The following DAB1 variants were observed in gnomAD, a reference collection of about 807,000 sequenced individuals.
DAB1 encodes the protein disabled homolog 1.
A neutral mutation model predicts 64.6 loss-of-function variants in DAB1; 15 were observed. The observed-to-expected ratio is 0.23, with a 90% CI of 0.16 to 0.36. The LOEUF is 0.36. Among genes scored for constraint, DAB1 ranks in the 10% least tolerant of loss-of-function variants. The pLI is 1.00. For synonymous variants in DAB1, 235 were observed against 251.9 expected, an observed-to-expected ratio of 0.93 and a Z score of 0.64; for missense variants, 596 against 706.7, an observed-to-expected ratio of 0.84 and a Z score of 1.78.
intron 1 of DAB1, among the ~76,000 whole-genome samples, chr1:57,307,599 G>A (rs1357115666): frequency 2.6e-5 from 4 of 151,578 alleles, no homozygotes; most frequent in Non-Finnish European, 5.9e-5. Context: ...TCCCTTTCCT[G>A]TCTGTTGAAT....
chr1:57,932,062 T>TA (rs1644960749), intron 5 of DAB1, among the ~76,000 whole-genome samples: 2 of 152,194 alleles, frequency 1.3e-5, no homozygotes, highest in Admixed American at 6.5e-5. Flanking sequence ...TTTATTTAGT[T>TA]AAAAATATTT....
intron 6 of DAB1, among the ~76,000 whole-genome samples, chr1:57,704,887 T>G (rs1337240168): frequency 6.6e-6 from 1 of 151,120 alleles, no homozygotes; most frequent in African/African-American, 2.4e-5. Context: ...TTTTCCTTCC[T>G]TCCTTCCTTC....
At position 58,370,390 on chromosome 1, in the gene DAB1, T is replaced by C. The variant is rs986159046; in HGVS notation, n.258-26987A>G. ...GAGTGTGTGCGTGTGTGTGTGTGTG[T>C]GTGTGTGTGTGTGTGTGTGTGTGTG... On this transcript the variant is annotated intron_variant and non_coding_transcript_variant, in intron 3 of 20. Coordinates refer to the DAB1 transcript ENST00000485760. 5.8e-3 allele frequency among the ~76,000 whole-genome samples: 828 copies of C among 142,500 alleles called. 7 individuals carry two copies. Among genetic ancestry groups the C allele is most frequent in the African/African-American group, 0.02 (799 of 40,402 alleles). 93.5% of individuals were successfully genotyped at this position (142,500 alleles called of 152,430 possible).
At chr1:57,085,657 T>TGATC (rs1314569238) in intron 4 of DAB1, among the ~76,000 whole-genome samples, 1 of 152,238 alleles carries the variant, frequency 6.6e-6, no homozygotes, top group African/African-American at 2.4e-5. Flanking sequence ...CACAGTCTAA[T>TGATC]GATCCCTTCA....
At position 58,003,183 on chromosome 1, in the gene DAB1, T is replaced by G. The variant is rs12041876; in HGVS notation, n.388-119021A>C. On this transcript the variant is annotated intron_variant and non_coding_transcript_variant, in intron 5 of 20. Transcript: ENST00000485760. ...TGTAAGGATTTGATGAAATCACACG[T>G]GACAATGGATGGCCCAGTCACCAGG... Among the ~76,000 whole-genome samples the G allele has an allele frequency of 8.2e-3, 1,250 of 152,284 alleles. 22 individuals carry two copies. In the East Asian group the frequency reaches 0.083, roughly 10 times the overall value.
At position 58,173,205 on chromosome 1, in the gene DAB1, G is replaced by T. The variant is rs548214832; in HGVS notation, n.310-22617C>A. On this transcript the variant is annotated intron_variant and non_coding_transcript_variant, in intron 4 of 20. Transcript: ENST00000485760. ...AAACAGAATGGGGATTTTCACAGGGGTATAGTTTTCTCCCCTTGGGGTGGT... is the reference window on the plus strand; with the variant it reads ...AAACAGAATGGGGATTTTCACAGGGTTATAGTTTTCTCCCCTTGGGGTGGT... 3.3e-4 allele frequency among the ~76,000 whole-genome samples: 50 copies of T among 152,334 alleles called. 1 individual carries two copies. Among genetic ancestry groups the T allele is most frequent in the Admixed American group, 3.1e-3 (47 of 15,306 alleles).
chr1:58,330,441 T>G (rs1281016320), intron 4 of DAB1, among the ~76,000 whole-genome samples: 1 of 152,218 alleles, frequency 6.6e-6, no homozygotes, highest in African/African-American at 2.4e-5. Context: ...CTTCAGAAGA[T>G]CTAGCTAAGA....
At chr1:58,025,571 C>A (rs1358645907) in intron 5 of DAB1, among the ~76,000 whole-genome samples, 2 of 139,780 alleles carry the variant, frequency 1.4e-5, no homozygotes, top group Non-Finnish European at 3.1e-5. Context: ...GAGAGAGAGC[C>A]TTTCATATAT....
chr1:57,578,203 G>T (rs1645272781), intron 7 of DAB1, among the ~76,000 whole-genome samples: 1 of 152,234 alleles, frequency 6.6e-6, no homozygotes, highest in South Asian at 2.1e-4. Flanking sequence ...TGTGCTGAGG[G>T]ATCTTCAGAT....
At chr1:57,518,419 C>T (rs1165625515) in intron 7 of DAB1, among the ~76,000 whole-genome samples, 2 of 152,082 alleles carry the variant, frequency 1.3e-5, no homozygotes, top group Non-Finnish European at 2.9e-5. Context: ...ACCATGCTAG[C>T]TAAAATAGAA....
At chr1:58,377,829 G>T (rs1271825391) in intron 3 of DAB1, among the ~76,000 whole-genome samples, 1 of 140,210 alleles carries the variant, frequency 7.1e-6, no homozygotes, top group African/African-American at 2.6e-5. Context: ...ATCAGACGTA[G>T]ATTTGGTCTT....
chr1:57,978,488 T>C (rs920325021), intron 5 of DAB1, among the ~76,000 whole-genome samples: 4 of 152,088 alleles, frequency 2.6e-5, no homozygotes, highest in Admixed American at 1.3e-4. Context: ...GGCAATACCA[T>C]TGAGGACACA....
At chr1:57,164,490 C>CTT (rs1159047383) in intron 2 of DAB1, among the ~76,000 whole-genome samples, 2 of 152,074 alleles carry the variant, frequency 1.3e-5, no homozygotes, top group African/African-American at 4.8e-5. Context: ...TACAGCATGA[C>CTT]TTTACCTGGA....
At chr1:57,979,109 C>A (rs1033747160) in intron 5 of DAB1, among the ~76,000 whole-genome samples, 1 of 152,152 alleles carries the variant, frequency 6.6e-6, no homozygotes, top group Non-Finnish European at 1.5e-5. Context: ...AAGACACATG[C>A]ACACATATGT....
At chr1:57,194,099 T>G (rs1178740982) in intron 2 of DAB1, among the ~76,000 whole-genome samples, 1 of 152,232 alleles carries the variant, frequency 6.6e-6, no homozygotes, top group Non-Finnish European at 1.5e-5. Context: ...GGGAGGTTAC[T>G]TTGGAGCAGT....
intron 4 of DAB1, among the ~76,000 whole-genome samples, chr1:58,205,053 G>A (rs1053610518): frequency 1.3e-5 from 2 of 152,124 alleles, no homozygotes; most frequent in African/African-American, 2.4e-5. Context: ...AGGTAACTGA[G>A]GTCAAAATGG....
chr1:57,834,962 T>C (rs990704954), intron 1 of DAB1, among the ~76,000 whole-genome samples: 6 of 152,070 alleles, frequency 3.9e-5, no homozygotes, highest in African/African-American at 1.4e-4. Context: ...TTAAGAGAGG[T>C]CTGGGTTCTC....
intron 6 of DAB1, among the ~76,000 whole-genome samples, chr1:57,725,028 A>C (rs1224013620): frequency 6.6e-6 from 1 of 152,232 alleles, no homozygotes; most frequent in African/African-American, 2.4e-5. Context: ...GCAGTCAAAG[A>C]AATGTAAACT....
intron 5 of DAB1, among the ~76,000 whole-genome samples, chr1:57,934,786 G>A (rs1204696786): frequency 6.6e-6 from 1 of 152,194 alleles, no homozygotes; most frequent in Non-Finnish European, 1.5e-5. Context: ...TGCGACAGTA[G>A]ACATTGTGCC....
Sources: allele counts gnomAD v4.1 joint callset (sites outside exome capture counted in the v4.1 genomes callset), GRCh38; gene constraint gnomAD v4.1.1; transcripts MANE v1.5; gene names NCBI Gene and HGNC (gene_info 2026-07-23, HGNC 2026-07-21).